The following SNX7 variants were observed in gnomAD, a reference collection of about 807,000 sequenced individuals.
SNX7 encodes sorting nexin 7.
SNX7 carries 35 observed loss-of-function variants against 48.4 expected under a neutral mutation model. The observed-to-expected ratio is 0.72, with a 90% CI of 0.55 to 0.96. SNX7 has a LOEUF of 0.96. Among genes scored for constraint, SNX7 ranks in the 40% least tolerant of loss-of-function variants. SNX7 has a pLI of 0.00. For synonymous variants in SNX7, 190 were observed against 190.2 expected, an observed-to-expected ratio of 1.00 and a Z score of 0.01; for missense variants, 553 against 548.9, an observed-to-expected ratio of 1.01 and a Z score of -0.07.
At chr1:98,698,935 A>G in intron 6 of SNX7, 30 bp downstream of exon 6, 1 of 1,602,862 alleles carries the variant, frequency 6.2e-7, no homozygotes, top group East Asian at 2.2e-5. Context: ...ATTTTACCTC[A>G]GTCCCTTACC....
intron 7 of SNX7, among the ~76,000 whole-genome samples, chr1:98,721,348 C>T (rs4303091): frequency 0.94 from 143,243 of 152,174 alleles, 67,774 homozygotes; most frequent in Non-Finnish European, 0.99. Flanking sequence ...AAACTGTGCA[C>T]GTAAGTAGAC....
chr1:98,729,565 A>G (rs1653380530), intron 7 of SNX7, among the ~76,000 whole-genome samples: 1 of 152,148 alleles, frequency 6.6e-6, no homozygotes, highest in Non-Finnish European at 1.5e-5. Flanking sequence ...ACAATAAAAA[A>G]TGATGAAGGG....
intron 1 of SNX7, among the ~76,000 whole-genome samples, chr1:98,664,173 T>A (rs1649417766): frequency 1.3e-5 from 2 of 152,202 alleles, no homozygotes; most frequent in South Asian, 4.1e-4. Context: ...AAACTACATA[T>A]TTAATTTACA....
intron 7 of SNX7, among the ~76,000 whole-genome samples, chr1:98,734,286 T>TA (rs1270369296): frequency 6.6e-6 from 1 of 152,158 alleles, no homozygotes; most frequent in Non-Finnish European, 1.5e-5. Flanking sequence ...TTCTACTTTT[T>TA]ATTATAGCCT....
intron 5 of SNX7, among the ~76,000 whole-genome samples, chr1:98,697,863 G>T (rs1161587449): frequency 6.6e-6 from 1 of 152,086 alleles, no homozygotes; most frequent in Non-Finnish European, 1.5e-5. Context: ...GAATTTAAAG[G>T]ATTAGAAGTA....
At chr1:98,721,529 A>G (rs1027262667) in intron 7 of SNX7, among the ~76,000 whole-genome samples, 1 of 152,132 alleles carries the variant, frequency 6.6e-6, no homozygotes, top group Non-Finnish European at 1.5e-5. Context: ...AAGTTTCAAA[A>G]TAAGTCACTT....
intron 8 of SNX7, among the ~76,000 whole-genome samples, chr1:98,739,850 A>G (rs910978931): frequency 6.6e-6 from 1 of 152,196 alleles, no homozygotes; most frequent in African/African-American, 2.4e-5. Context: ...TTATAAATTT[A>G]TTCTTTTACC....
intron 7 of SNX7, among the ~76,000 whole-genome samples, chr1:98,723,733 C>G (rs367581040): frequency 6.6e-6 from 1 of 151,726 alleles, no homozygotes; most frequent in Non-Finnish European, 1.5e-5. Context: ...GGTGCATGCC[C>G]GTAGTCCCAG....
intron 3 of SNX7, 131 bp from the exon 4 acceptor site, chr1:98,691,404 A>G: frequency 1.1e-6 from 1 of 874,654 alleles, no homozygotes. Flanking sequence ...TAACATTGTG[A>G]ATTTTTAAAA....
intron 1 of SNX7, among the ~76,000 whole-genome samples, chr1:98,676,995 C>T (rs896103110): frequency 2.0e-5 from 3 of 152,090 alleles, no homozygotes; most frequent in Non-Finnish European, 4.4e-5. Flanking sequence ...TATTCAAATA[C>T]ATCAGTTAAC....
chr1:98,754,438 A>C (rs1299535666), intron 8 of SNX7, among the ~76,000 whole-genome samples: 1 of 152,022 alleles, frequency 6.6e-6, no homozygotes, highest in African/African-American at 2.4e-5. Context: ...GTTTGCTATA[A>C]TTCTCTAGTG....
At chr1:98,724,146 A>G (rs1180805914) in intron 7 of SNX7, among the ~76,000 whole-genome samples, 2 of 152,106 alleles carry the variant, frequency 1.3e-5, no homozygotes, top group East Asian at 3.9e-4. Context: ...ATAAGTTAAT[A>G]TCGAGCTTTC....
At chr1:98,667,270 C>T (rs1649584227) in intron 1 of SNX7, among the ~76,000 whole-genome samples, 1 of 152,194 alleles carries the variant, frequency 6.6e-6, no homozygotes, top group African/African-American at 2.4e-5. Context: ...CAGAAGTAGA[C>T]TATGGAATTT....
At chr1:98,672,930 C>CAAAAAAAAAAAAAA in intron 1 of SNX7, among the ~76,000 whole-genome samples, 1 of 88,518 alleles carries the variant, frequency 1.1e-5, no homozygotes, top group South Asian at 4.8e-4. Context: ...GACTCCGTCT[C>CAAAAAAAAAAAAAA]AAAAAAAAAA....
chr1:98,757,982 A>G (rs1654934855), intron 8 of SNX7, among the ~76,000 whole-genome samples: 1 of 151,776 alleles, frequency 6.6e-6, no homozygotes, highest in Non-Finnish European at 1.5e-5. Context: ...TATTACTGTT[A>G]CTCCCATCAT....
chr1:98,710,552 G>T (rs1472097527), intron 7 of SNX7, among the ~76,000 whole-genome samples: 2 of 152,002 alleles, frequency 1.3e-5, no homozygotes, highest in Non-Finnish European at 2.9e-5. Flanking sequence ...TTCTACTTAC[G>T]GTGTCCTTTG....
At chr1:98,752,702 C>T (rs1654646906) in intron 8 of SNX7, among the ~76,000 whole-genome samples, 1 of 152,062 alleles carries the variant, frequency 6.6e-6, no homozygotes, top group Non-Finnish European at 1.5e-5. Context: ...TCTGCATTTT[C>T]TGAGCACTTA....
At chr1:98,736,378 T>C (rs1276071427) in intron 7 of SNX7, among the ~76,000 whole-genome samples, 1 of 152,176 alleles carries the variant, frequency 6.6e-6, no homozygotes, top group Non-Finnish European at 1.5e-5. Flanking sequence ...GGAGGCTCTC[T>C]AACGTCCCTG....
chr1:98,710,045 C>T (rs1652219145), intron 7 of SNX7, among the ~76,000 whole-genome samples: 1 of 152,074 alleles, frequency 6.6e-6, no homozygotes, highest in Non-Finnish European at 1.5e-5. Context: ...CCCACCCTGC[C>T]CAAGTGTGTT....
Sources: gnomAD v4.1 joint callset for allele counts (sites outside exome capture counted in the v4.1 genomes callset) on GRCh38, gnomAD v4.1.1 for gene constraint, MANE v1.5 for transcripts, NCBI Gene and HGNC (gene_info 2026-07-23, HGNC 2026-07-21) for gene names.